PATJ: variants seen among roughly 807,000 people sequenced by gnomAD.
PATJ encodes inaD-like protein.
A neutral mutation model predicts 224.9 loss-of-function variants in PATJ; 190 were observed. The observed-to-expected ratio is 0.84, with a 90% CI of 0.75 to 0.95. PATJ has a LOEUF of 0.95. Ranked by LOEUF, PATJ falls within the 40% of genes least tolerant of loss-of-function variation. PATJ has a pLI of 0.00. For synonymous variants in PATJ, 769 were observed against 820.3 expected (o/e 0.94, Z 1.07); for missense variants, 2,121 against 2,270.3 (o/e 0.93, Z 1.34).
chr1:61,784,231 A>G (rs1648019602), intron 7 of PATJ, among the ~76,000 whole-genome samples: 1 of 152,244 alleles, frequency 6.6e-6, no homozygotes, highest in Non-Finnish European at 1.5e-5. Context: ...ACGTACTTGA[A>G]TCTTGGCATA....
chr1:61,872,844 G>A (rs1666828427), intron 20 of PATJ, among the ~76,000 whole-genome samples: 1 of 152,176 alleles, frequency 6.6e-6, no homozygotes, highest in African/African-American at 2.4e-5. Flanking sequence ...GCTGTTGTCA[G>A]TAAATTCTCT....
intron 43 of PATJ, among the ~76,000 whole-genome samples, chr1:62,158,903 C>T (rs1420732875): frequency 4.0e-5 from 6 of 149,590 alleles, no homozygotes; most frequent in Non-Finnish European, 5.9e-5. Flanking sequence ...GAACCGAGAT[C>T]GCACCATTGC....
intron 20 of PATJ, among the ~76,000 whole-genome samples, chr1:61,872,308 T>G (rs6687261): frequency 0.99 from 150,456 of 152,184 alleles, 74,393 homozygotes; most frequent in Middle Eastern, 1. Flanking sequence ...GCTCCATTAG[T>G]TATCTGATAT....
intron 33 of PATJ, 53 bp from the exon 34 acceptor site, chr1:62,108,384 C>T (rs1663369380): frequency 2.7e-6 from 3 of 1,126,754 alleles, no homozygotes; most frequent in Admixed American, 2.0e-5. Flanking sequence ...TGGTTGTTTG[C>T]TTAAGGAAGC....
chr1:62,128,883 G>A lies in PATJ; in HGVS notation c.5209G>A (p.Gly1737Arg). The change falls in exon 41 of 44, where the codon GGG (glycine) becomes AGG (arginine). Residue 1737 changes from glycine (G) to arginine (R), a missense_variant. By Grantham distance (125) the Gly-to-Arg change is moderately radical. Coordinates refer to ENST00000642238, the MANE Select transcript of PATJ (RefSeq NM_001350145.3). Reference protein sequence around the residue: ...IVSINGQPLDGLSHADVVNLL... With the variant: ...IVSINGQPLDRLSHADVVNLL... ...CAGCATTAACGGGCAACCTTTGGAT[G>A]GGCTGTCTCACGCGGATGTGGTTAA... is the stretch of plus-strand genomic sequence containing the variant. The A allele has an allele frequency of 6.2e-7, 1 of 1,613,516 alleles. No homozygotes were observed. The highest frequency in any genetic ancestry group is 8.5e-7 in the Non-Finnish European group (1 of 1,179,488).
chr1:62,100,134 C>CT (rs1388895733), intron 33 of PATJ, among the ~76,000 whole-genome samples: 2 of 152,086 alleles, frequency 1.3e-5, no homozygotes, highest in South Asian at 2.1e-4. Context: ...AAATTGCTCT[C>CT]TGAGCTAAAG....
At chr1:61,959,629 A>G (rs1050652760) in intron 27 of PATJ, among the ~76,000 whole-genome samples, 3 of 151,168 alleles carry the variant, frequency 2.0e-5, no homozygotes, top group African/African-American at 7.3e-5. Flanking sequence ...CTTTGTAGAG[A>G]TGGGGTCTAA....
intron 31 of PATJ, among the ~76,000 whole-genome samples, chr1:62,060,856 T>G (rs1250295647): frequency 6.6e-6 from 1 of 152,132 alleles, no homozygotes; most frequent in Admixed American, 6.6e-5. Flanking sequence ...AACTTTTATT[T>G]TATTTCTGTA....
At position 62,128,909 on chromosome 1, in the gene PATJ, T is replaced by C; in HGVS notation, c.5235T>C (p.Asn1745=). The C allele has an allele frequency of 6.2e-7, 1 of 1,613,494 alleles. No homozygotes were observed. Among genetic ancestry groups the C allele is most frequent in the Non-Finnish European group, 8.5e-7 (1 of 1,179,464 alleles). Residue 1745 remains asparagine, a synonymous_variant, in exon 41 of 44, where the codon AAT becomes AAC. Coordinates refer to ENST00000642238, the MANE Select transcript of PATJ (RefSeq NM_001350145.3). ...GGCTGTCTCACGCGGATGTGGTTAA[T>C]CTGCTGAAGAACGCCTACGGGCGCA... The part of the protein sequence containing the change: ...LDGLSHADVV[N]LLKNAYGRII...
chr1:62,131,703 C>G lies in PATJ; in HGVS notation c.5271+2758C>G, dbSNP rs1666281425. On this transcript the variant is annotated intron_variant, in intron 41 of 43. Coordinates refer to ENST00000642238, the MANE Select transcript of PATJ (RefSeq NM_001350145.3). ...CTCGGAGGATGAGGCAGGAAGATCA[C>G]TTGAGCCCAAGAGTTTGAGGCTGCA... Among the ~76,000 whole-genome samples the G allele has an allele frequency of 2.0e-5, 3 of 151,890 alleles. No individual in the cohort carries two copies. The South Asian group carries it at 6.2e-4, about 32-fold the overall frequency.
rs752091453 is a variant in PATJ, at chr1:61,776,381, G to A, written c.849+1047G>A. Reference sequence around the variant, plus strand: ...GCAGCTGCAGGCTAAAACTGCTGGTGCCTTGGTGCAAAACAAAGGCAGTGG... The same window carrying A: ...GCAGCTGCAGGCTAAAACTGCTGGTACCTTGGTGCAAAACAAAGGCAGTGG... On this transcript the variant is annotated intron_variant, in intron 7 of 43. Transcript: ENST00000642238. Among the ~76,000 whole-genome samples, 82 of 152,166 alleles carry A rather than the reference G, an allele frequency of 5.4e-4. 1 individual carries two copies. The highest frequency in any genetic ancestry group is 1.0e-3 in the Non-Finnish European group (69 of 68,042).
intron 42 of PATJ, among the ~76,000 whole-genome samples, chr1:62,151,661 C>G (rs1668651998): frequency 1.3e-5 from 2 of 152,174 alleles, no homozygotes; most frequent in African/African-American, 4.8e-5. Context: ...TTAAATAGAA[C>G]AACATATTCA....
Position 61,908,409 on chromosome 1 carries a change from A to G in PATJ, c.3419A>G (p.Glu1140Gly), listed in dbSNP as rs1672148171. The change falls in exon 25 of 44, where the codon GAA (glutamate) becomes GGA (glycine). Residue 1140 changes from glutamate (E) to glycine (G), a missense_variant. Glu to Gly is a moderately conservative substitution (Grantham distance 98). Coordinates refer to ENST00000642238, the MANE Select transcript of PATJ (RefSeq NM_001350145.3). ...GVDLQNASHS[E>G]AVEAIKNAGN... ...GATTTGCAGAATGCCTCACACAGCGAAGCAGTTGAGGCCATTAAGAATGCA... is the reference window on the plus strand; with the variant it reads ...GATTTGCAGAATGCCTCACACAGCGGAGCAGTTGAGGCCATTAAGAATGCA... 6.2e-7 allele frequency: 1 copy of G among 1,613,932 alleles called. No homozygotes were observed. The highest frequency in any genetic ancestry group is 8.5e-7 in the Non-Finnish European group (1 of 1,179,840).
chr1:61,938,884 G>A (rs1677305675), intron 27 of PATJ, among the ~76,000 whole-genome samples: 1 of 150,814 alleles, frequency 6.6e-6, no homozygotes, highest in Admixed American at 6.6e-5. Context: ...ATAAAATGTG[G>A]AGATCTTCTC....
rs538379756 is a variant in PATJ, at chr1:61,753,024, C to T, written c.-35-9834C>T. Among the ~76,000 whole-genome samples, 92 of 152,122 alleles carry T rather than the reference C, an allele frequency of 6.0e-4. 1 individual carries two copies. Among genetic ancestry groups the T allele is most frequent in the Non-Finnish European group, 7.1e-4 (48 of 68,014 alleles). ...TCTTTGGCTAGGAAAGTTTGTTTTT[C>T]GTTTAATCAGTACCTCATAAATGCT... is the stretch of plus-strand genomic sequence containing the variant. On this transcript the variant is annotated intron_variant, in intron 1 of 43. Transcript: ENST00000642238.
chr1:62,001,344 T>C (rs1645757673), intron 28 of PATJ, among the ~76,000 whole-genome samples: 2 of 149,312 alleles, frequency 1.3e-5, no homozygotes, highest in Admixed American at 1.3e-4. Flanking sequence ...AAGTCTTTAA[T>C]CCATCTTGAA....
At chr1:62,128,758 G>A (rs1665977381) in intron 40 of PATJ, 83 bp from the exon 41 acceptor site, 5 of 938,568 alleles carry the variant, frequency 5.3e-6, no homozygotes, top group East Asian at 2.4e-5. Context: ...ATGGGAAATA[G>A]GACTCGCAAA....
At chr1:61,863,382 A>G (rs1664936197) in intron 19 of PATJ, among the ~76,000 whole-genome samples, 1 of 152,146 alleles carries the variant, frequency 6.6e-6, no homozygotes. Flanking sequence ...TTTAGCTGCA[A>G]GGAGAAGACA....
rs71582658 is a variant in PATJ at position 62,006,100 on chromosome 1, TTTTTGTTTTG to T, written c.3868-11736_3868-11727del. On this transcript the variant is annotated intron_variant, in intron 28 of 43. Transcript: ENST00000642238. ...CTCTTCAGTATACATTTCTTTTCTT[TTTTTGTTTTG>T]TTTTGTTTTGTTTTGTTTTTTGAGA... Among the ~76,000 whole-genome samples the T allele has an allele frequency of 8.2e-3, 1,240 of 151,980 alleles. 24 individuals are homozygous for T. The highest frequency in any genetic ancestry group is 0.028 in the African/African-American group (1,164 of 41,508).
Sources: gnomAD v4.1 joint callset for allele counts (sites outside exome capture counted in the v4.1 genomes callset) on GRCh38, gnomAD v4.1.1 for gene constraint, MANE v1.5 for transcripts, NCBI Gene and HGNC (gene_info 2026-07-23, HGNC 2026-07-21) for gene names.